The following NAAA variants were observed in gnomAD, a reference collection of about 807,000 sequenced individuals.
The protein encoded by NAAA is N-acylethanolamine-hydrolyzing acid amidase.
NAAA carries 39 observed loss-of-function variants against 44.8 expected under a neutral mutation model. The observed-to-expected ratio is 0.87, with a 90% confidence interval of 0.67 to 1.14. NAAA has a LOEUF of 1.14. Ranked by LOEUF, NAAA falls within the 50% of genes most tolerant of loss-of-function variation. The pLI, the probability that NAAA is intolerant of heterozygous loss-of-function variation, is 0.00. For missense variants in NAAA, 460 were observed against 467.8 expected (o/e 0.98, Z 0.15); for synonymous variants, 178 against 191.3 (o/e 0.93, Z 0.58).
intron 5 of NAAA, among the ~76,000 whole-genome samples, chr4:75,922,557 G>C (rs1312717889): frequency 6.6e-6 from 1 of 152,128 alleles, no homozygotes; most frequent in East Asian, 1.9e-4. Flanking sequence ...ATTAGCACTG[G>C]ATCTACCTTT....
intron 4 of NAAA, among the ~76,000 whole-genome samples, chr4:75,929,436 C>A (rs937980456): frequency 6.6e-6 from 1 of 152,172 alleles, no homozygotes; most frequent in Non-Finnish European, 1.5e-5. Flanking sequence ...TGCCACCATG[C>A]CTGGCTAAAA....
intron 1 of NAAA, 91 bp from the exon 2 acceptor site, chr4:75,940,256 G>A (rs1728137716): frequency 7.1e-7 from 1 of 1,410,450 alleles, no homozygotes; most frequent in Non-Finnish European, 9.6e-7. Context: ...ACATCCTTAG[G>A]GCGTGAGGTC....
At chr4:75,920,918 T>A in intron 6 of NAAA, 33 bp downstream of exon 6, 1 of 1,613,662 alleles carries the variant, frequency 6.2e-7, no homozygotes, top group Non-Finnish European at 8.5e-7. Context: ...GATTATCTGA[T>A]ACAAAATGAC....
At chr4:75,915,035 C>T (rs1725519772) in intron 9 of NAAA, 50 bp from the exon 10 acceptor site, 1 of 1,369,352 alleles carries the variant, frequency 7.3e-7, no homozygotes, top group Non-Finnish European at 1.0e-6. Flanking sequence ...TCTAATATGC[C>T]AGAAAGGGAA....
chr4:75,925,941 A>T, intron 4 of NAAA, 130 bp from the exon 5 acceptor site: 1 of 807,878 alleles, frequency 1.2e-6, no homozygotes, highest in African/African-American at 1.7e-5. Flanking sequence ...CTTTTGTACC[A>T]GGATACAATG....
intron 3 of NAAA, among the ~76,000 whole-genome samples, chr4:75,933,965 G>T (rs906588886): frequency 6.6e-6 from 1 of 151,750 alleles, no homozygotes; most frequent in Non-Finnish European, 1.5e-5. Context: ...GGGAGGCAGA[G>T]GTTGCAGTGA....
intron 2 of NAAA, among the ~76,000 whole-genome samples, chr4:75,939,296 A>G (rs879562873): frequency 1.2e-4 from 18 of 152,236 alleles, no homozygotes; most frequent in Non-Finnish European, 2.1e-4. Context: ...GGCGACAAAT[A>G]AGGGCAGAGA....
At chr4:75,923,765 C>T (rs62318867) in intron 5 of NAAA, among the ~76,000 whole-genome samples, 1,720 of 152,234 alleles carry the variant, frequency 0.011, 16 homozygotes, top group Non-Finnish European at 0.018. Flanking sequence ...GTCTCGAACT[C>T]CTGACCTCCT....
downstream of NAAA, among the ~76,000 whole-genome samples, chr4:75,910,681 C>G (rs1467430739): frequency 1.3e-5 from 2 of 152,188 alleles, no homozygotes; most frequent in Non-Finnish European, 2.9e-5. Context: ...AGATAGCTGA[C>G]TATTTTCCAA....
chr4:75,931,418 G>A (rs1727222907), intron 3 of NAAA, 114 bp from the exon 4 acceptor site: 4 of 707,694 alleles, frequency 5.7e-6, no homozygotes, highest in African/African-American at 3.6e-5. Flanking sequence ...CAACACAATA[G>A]AATAAAACTC....
In NAAA at chr4:75,924,948, T is replaced by A. The variant is rs533647008; in HGVS notation, c.666+787A>T. On this transcript the variant is annotated intron_variant, in intron 5 of 10. Transcript: ENST00000286733. ...ATTTGTTCCAGCCAATACCTGAAGG[T>A]AGGGCCCCTGTCTCCCTGTCTCTGT... 2.6e-5 allele frequency among the ~76,000 whole-genome samples: 4 copies of A among 152,186 alleles called. No homozygotes were observed. In the South Asian group the frequency reaches 8.3e-4, roughly 32 times the overall value.
chr4:75,924,096 C>T (rs934387133), intron 5 of NAAA, among the ~76,000 whole-genome samples: 3 of 152,170 alleles, frequency 2.0e-5, no homozygotes, highest in Non-Finnish European at 2.9e-5. Context: ...CTCCTCTTTG[C>T]TCTTCTCTTT....
downstream of NAAA, chr4:75,913,599 A>G: frequency 1.2e-6 from 1 of 825,820 alleles, no homozygotes; most frequent in Non-Finnish European, 1.5e-6. Context: ...CTTTCTCAGG[A>G]CAGCAGTTCA....
chr4:75,931,969 C>T (rs1727268171), intron 3 of NAAA, among the ~76,000 whole-genome samples: 1 of 152,216 alleles, frequency 6.6e-6, no homozygotes, highest in African/African-American at 2.4e-5. Flanking sequence ...GTGGCTCACG[C>T]CTGTAATCCT....
intron 2 of NAAA, among the ~76,000 whole-genome samples, chr4:75,937,598 A>G (rs1398490446): frequency 6.6e-6 from 1 of 152,080 alleles, no homozygotes; most frequent in Non-Finnish European, 1.5e-5. Context: ...CGATCCTCCC[A>G]CTTCAGCCTC....
chr4:75,923,957 C>T (rs1410413464), intron 5 of NAAA, among the ~76,000 whole-genome samples: 1 of 152,134 alleles, frequency 6.6e-6, no homozygotes, highest in African/African-American at 2.4e-5. Context: ...GCTTTTCATG[C>T]CCTATGCAAA....
downstream of NAAA, among the ~76,000 whole-genome samples, chr4:75,912,003 C>A (rs1245893553): frequency 6.6e-6 from 1 of 152,146 alleles, no homozygotes; most frequent in Non-Finnish European, 1.5e-5. Flanking sequence ...GGACAGCCAG[C>A]CTGTGAGGCT....
At chr4:75,938,966 C>T (rs1385577953) in intron 2 of NAAA, among the ~76,000 whole-genome samples, 1 of 152,194 alleles carries the variant, frequency 6.6e-6, no homozygotes, top group Non-Finnish European at 1.5e-5. Context: ...TCTCCTGCCT[C>T]GGCCTCCCAA....
rs373578792 is a variant in NAAA, at chr4:75,934,482, A to ATT, written c.498+1625_498+1626dup. ...AGACACCCACCCACACGCCCAGCTA[A>ATT]TTTTTTTTTTTTTTTTTTGTAGTTT... On this transcript the variant is annotated intron_variant, in intron 3 of 10. Coordinates refer to ENST00000286733, the MANE Select transcript of NAAA (RefSeq NM_014435.4). 2.1e-3 allele frequency among the ~76,000 whole-genome samples: 288 copies of ATT among 135,572 alleles called. 3 individuals carry two copies. The highest frequency in any genetic ancestry group is 3.8e-3 in the Middle Eastern group (1 of 260). The allele number at this position is 135,572 out of a possible 152,430, so 88.9% of individuals were successfully genotyped here.
Sources: gnomAD v4.1 joint callset for allele counts (sites outside exome capture counted in the v4.1 genomes callset) on GRCh38, gnomAD v4.1.1 for gene constraint, MANE v1.5 for transcripts, NCBI Gene and HGNC (gene_info 2026-07-23, HGNC 2026-07-21) for gene names.